PCDHA3: variants seen among roughly 807,000 people sequenced by gnomAD.
PCDHA3 encodes the protein protocadherin alpha-3.
In PCDHA3, 41 loss-of-function variants were observed where a neutral mutation model predicts 62.2. That is an observed-to-expected ratio of 0.66 (90% confidence interval 0.51 to 0.86). PCDHA3 has a LOEUF of 0.86. Among genes scored for constraint, PCDHA3 ranks in the 40% least tolerant of loss-of-function variants. The pLI is 0.00. For synonymous variants in PCDHA3, 640 were observed against 555.4 expected, an observed-to-expected ratio of 1.15 and a Z score of -2.14; for missense variants, 1,304 against 1,241.2, an observed-to-expected ratio of 1.05 and a Z score of -0.76.
intron 1 of PCDHA3, chr5:140,883,472 A>G (rs782442737): frequency 1.2e-5 from 20 of 1,614,018 alleles, no homozygotes; most frequent in Non-Finnish European, 1.4e-5. Context: ...GTCCACCTAC[A>G]AGAACTACTA....
intron 1 of PCDHA3, among the ~76,000 whole-genome samples, chr5:140,924,429 A>G (rs1331551212): frequency 6.6e-6 from 1 of 152,184 alleles, no homozygotes; most frequent in Non-Finnish European, 1.5e-5. Flanking sequence ...CTAGTTCCCT[A>G]GAAGAGATAA....
In PCDHA3 at chr5:140,941,202, C is replaced by CCCTTCTTTCTTTCTTTCTTT; in HGVS notation, c.2395-37746_2395-37745insCTTCTTTCTTTCTTTCTTTC. Among the ~76,000 whole-genome samples, 3 of 122,832 alleles carry CCCTTCTTTCTTTCTTTCTTT rather than the reference C, an allele frequency of 2.4e-5. No homozygotes were observed. The East Asian group carries it at 6.6e-4, about 27-fold the overall frequency. The allele number at this position is 122,832 out of a possible 152,430, so 80.6% of individuals were successfully genotyped here. A position where few individuals can be genotyped will look rare whatever the true frequency, so the allele number is the denominator to read the frequency against. On this transcript the variant is annotated intron_variant, in intron 1 of 3. Transcript: ENST00000522353. ...TCCTGCTTCTTTTTTTTTCTTTCTT[C>CCCTTCTTTCTTTCTTTCTTT]CTTTCTTTCTTCCTTTCTTTCTTTC...
At chr5:140,841,515 G>T (rs2150317088) in intron 1 of PCDHA3, 6 of 1,606,628 alleles carry the variant, frequency 3.7e-6, no homozygotes, top group Middle Eastern at 3.5e-4. Context: ...CGCCTGTTCC[G>T]GGTGGCGTCC....
At chr5:140,926,632 C>T in intron 1 of PCDHA3, 1 of 432,326 alleles carries the variant, frequency 2.3e-6, no homozygotes, top group Admixed American at 4.2e-5. Flanking sequence ...GCGCTGCGCT[C>T]CTCAACACCC....
intron 1 of PCDHA3, among the ~76,000 whole-genome samples, chr5:140,833,365 G>A (rs2150207922): frequency 1.3e-5 from 2 of 152,156 alleles, no homozygotes; most frequent in African/African-American, 2.4e-5. Flanking sequence ...ACACAGTAAG[G>A]TAGATCCAAA....
intron 1 of PCDHA3, chr5:140,805,197 G>T: frequency 6.9e-7 from 1 of 1,449,074 alleles, no homozygotes; most frequent in Non-Finnish European, 9.1e-7. Context: ...ATATTGAATA[G>T]CTACCAAATA....
chr5:140,839,307 C>T (rs1554137377), intron 1 of PCDHA3, among the ~76,000 whole-genome samples: 1 of 151,838 alleles, frequency 6.6e-6, no homozygotes, highest in Non-Finnish European at 1.5e-5. Flanking sequence ...TTTAAATATC[C>T]TATTTATATT....
At chr5:140,931,246 C>A (rs2087398062) in intron 1 of PCDHA3, among the ~76,000 whole-genome samples, 1 of 152,114 alleles carries the variant, frequency 6.6e-6, no homozygotes, top group East Asian at 1.9e-4. Flanking sequence ...ACTTTTCCTA[C>A]CAAGAAATTT....
chr5:140,948,189 G>A (rs1032631604), intron 1 of PCDHA3, among the ~76,000 whole-genome samples: 4 of 151,532 alleles, frequency 2.6e-5, no homozygotes, highest in African/African-American at 9.7e-5. Context: ...ATCCCACTTA[G>A]TCATGATATA....
chr5:140,929,307 C>T (rs149565434), intron 1 of PCDHA3: 10 of 1,570,046 alleles, frequency 6.4e-6, no homozygotes, highest in Admixed American at 1.8e-5. Context: ...AAGGGGATCA[C>T]GCTAATGTCA....
intron 1 of PCDHA3, chr5:140,869,685 T>G: frequency 6.2e-7 from 1 of 1,613,500 alleles, no homozygotes; most frequent in Non-Finnish European, 8.5e-7. Flanking sequence ...GACTGTCACT[T>G]ATTTTAAAGA....
intron 1 of PCDHA3, among the ~76,000 whole-genome samples, chr5:140,911,032 A>G (rs2075293448): frequency 6.6e-6 from 1 of 152,092 alleles, no homozygotes; most frequent in African/African-American, 2.4e-5. Flanking sequence ...TTATAGGTCT[A>G]GAAGCAAACA....
intron 3 of PCDHA3, among the ~76,000 whole-genome samples, chr5:140,985,739 CTT>C (rs11372071): frequency 4.2e-4 from 50 of 117,920 alleles, no homozygotes; most frequent in Middle Eastern, 4.8e-3. Context: ...TGATGAATTC[CTT>C]TTTTTTTTTT....
Position 140,829,886 on chromosome 5 carries a change from G to A in PCDHA3, c.2394+26295G>A, listed in dbSNP as rs2150176941. The A allele has an allele frequency of 5.0e-6, 8 of 1,613,958 alleles. No individual in the cohort carries two copies. The highest frequency in any genetic ancestry group is 6.8e-6 in the Non-Finnish European group (8 of 1,179,888). Reference sequence around the variant, plus strand: ...GGTGGCGAAGGTGCGCGCAGTTGACGCCGACTCAGGCTACAACGCGTGGCT... The same window carrying A: ...GGTGGCGAAGGTGCGCGCAGTTGACACCGACTCAGGCTACAACGCGTGGCT... On this transcript the variant is annotated intron_variant, in intron 1 of 3. Transcript: ENST00000522353.
chr5:140,828,909 C>A (rs2150160610), intron 1 of PCDHA3: 4 of 1,614,190 alleles, frequency 2.5e-6, no homozygotes, highest in South Asian at 1.1e-5. Context: ...GATGAAGGAG[C>A]GAATGGGGCA....
rs1554129608 is a variant in PCDHA3, at chr5:140,823,796, C to G, written c.2394+20205C>G. ...GTGTCGCTGGTGGAAAGTGGCCAGG[C>G]GCCGAAGGCCTCATCGCGGGCGTCG... On this transcript the variant is annotated intron_variant, in intron 1 of 3. Transcript: ENST00000522353. 1.2e-6 allele frequency: 2 copies of G among 1,613,670 alleles called. No homozygotes were observed. The highest frequency in any genetic ancestry group is 2.2e-5 in the East Asian group (1 of 44,872).
intron 1 of PCDHA3, among the ~76,000 whole-genome samples, chr5:140,972,712 G>T (rs1409880262): frequency 6.9e-6 from 1 of 144,630 alleles, no homozygotes; most frequent in East Asian, 2.0e-4. Context: ...TTGCCAGGCT[G>T]GAGTGCAGTG....
intron 1 of PCDHA3, chr5:140,830,275 C>T: frequency 6.2e-7 from 1 of 1,613,816 alleles, no homozygotes; most frequent in Non-Finnish European, 8.5e-7. Context: ...CGCCACCCAC[C>T]GAGGGCGCGT....
At chr5:140,841,756 C>G (rs1777468782) in intron 1 of PCDHA3, 4 of 1,613,854 alleles carry the variant, frequency 2.5e-6, no homozygotes, top group Non-Finnish European at 1.7e-6. Context: ...TTTCAGAATC[C>G]AGAATGCCAG....
Sources: allele counts gnomAD v4.1 joint callset (sites outside exome capture counted in the v4.1 genomes callset), GRCh38; gene constraint gnomAD v4.1.1; transcripts MANE v1.5; gene names NCBI Gene and HGNC (gene_info 2026-07-23, HGNC 2026-07-21).